GPBP1L1: variants seen among roughly 807,000 people sequenced by gnomAD.
The protein encoded by GPBP1L1 is vasculin-like protein 1.
In GPBP1L1, 23 loss-of-function variants were observed where a neutral mutation model predicts 52.5. That is an observed-to-expected ratio of 0.44 (90% CI 0.32 to 0.62). The LOEUF is 0.62. GPBP1L1 is among the 20% of genes least tolerant of loss of function. GPBP1L1 has a pLI of 0.06. For synonymous variants in GPBP1L1, 243 were observed against 203.1 expected, an observed-to-expected ratio of 1.20 and a Z score of -1.67; for missense variants, 596 against 579.3, an observed-to-expected ratio of 1.03 and a Z score of -0.30.
chr1:45,662,196 C>T (rs140654345), intron 2 of GPBP1L1, among the ~76,000 whole-genome samples: 13 of 152,284 alleles, frequency 8.5e-5, no homozygotes, highest in Non-Finnish European at 1.5e-4. Context: ...GTGACTTGAT[C>T]GTAGCTCGCT....
rs748882235 is a variant in GPBP1L1, at chr1:45,629,626, G to A, written c.1222C>T (p.Leu408Phe). The stretch of plus-strand genomic sequence containing the variant: ...TTGAGCTCATCCTCTGTGAGGGGAA[G>A]GCAATTCTCATCATTTTCAGGATAT... ...QEYPENDENCLPLTEDELKEF... is the reference protein window; with the variant it reads ...QEYPENDENCFPLTEDELKEF... The change falls in exon 12 of 13, where the codon CTT (leucine) becomes TTT (phenylalanine). Residue 408 changes from leucine to phenylalanine, a missense_variant. Coordinates refer to ENST00000355105, the MANE Select transcript of GPBP1L1 (RefSeq NM_021639.5). 1 of 1,613,608 alleles carries A rather than the reference G, an allele frequency of 6.2e-7. No homozygotes were observed. Among genetic ancestry groups the A allele is most frequent in the South Asian group, 1.1e-5 (1 of 91,070 alleles).
chr1:45,633,522 G>A lies in GPBP1L1; in HGVS notation c.1011C>T (p.Phe337=), dbSNP rs1380320102. The change falls in exon 10 of 13, where the codon TTC becomes TTT. Residue 337 remains phenylalanine (F), a synonymous_variant. Coordinates refer to ENST00000355105, the MANE Select transcript of GPBP1L1 (RefSeq NM_021639.5). ...GCTTGTCACAGTCTCTATTCTCTGA[G>A]AAGTCTCCATTCCGGTCATCCTTCA... The part of the protein sequence containing the change: ...KTLKDDRNGD[F]SENRDCDKLE... 13 of 1,613,900 alleles carry A rather than the reference G, an allele frequency of 8.1e-6. No homozygotes were observed. The Admixed American group carries it at 2.2e-4, about 27-fold the overall frequency.
chr1:45,649,188 T>C (rs1644790194), intron 6 of GPBP1L1, among the ~76,000 whole-genome samples: 1 of 152,208 alleles, frequency 6.6e-6, no homozygotes, highest in South Asian at 2.1e-4. Flanking sequence ...CCCCATTCTT[T>C]CTCCTGAACC....
intron 3 of GPBP1L1, among the ~76,000 whole-genome samples, chr1:45,659,839 G>A (rs1293984269): frequency 6.6e-6 from 1 of 152,120 alleles, no homozygotes; most frequent in African/African-American, 2.4e-5. Context: ...TACTCTGGAG[G>A]CTAAGGTGGG....
At chr1:45,647,973 C>T (rs1644772942) in intron 6 of GPBP1L1, among the ~76,000 whole-genome samples, 1 of 152,026 alleles carries the variant, frequency 6.6e-6, no homozygotes, top group Non-Finnish European at 1.5e-5. Flanking sequence ...CAGGGTCTCA[C>T]TCTGTTACCC....
Position 45,654,523 on chromosome 1 carries a change from A to T in GPBP1L1, c.477+20T>A. 6.3e-7 allele frequency: 1 copy of T among 1,588,610 alleles called. No homozygotes were observed. The highest frequency in any genetic ancestry group is 8.6e-7 in the Non-Finnish European group (1 of 1,163,126). The stretch of plus-strand genomic sequence containing the variant: ...ATTATTTGTTGGCTTCTAACCACAC[A>T]TCTAAAGATTCATACTTACAAAGTC... On this transcript the variant is annotated intron_variant, in intron 6 of 12. Transcript: ENST00000355105.
At chr1:45,646,091 T>G (rs979774309) in intron 6 of GPBP1L1, 2 of 456,824 alleles carry the variant, frequency 4.4e-6, no homozygotes, top group Non-Finnish European at 8.5e-6. Context: ...CAGCTAGAAG[T>G]TGGACAATGA....
At chr1:45,645,975 G>C (rs1644740184) in intron 6 of GPBP1L1, 1 of 500,990 alleles carries the variant, frequency 2.0e-6, no homozygotes, top group Admixed American at 2.1e-5. Context: ...GCAAATCAAA[G>C]CTGGGGCTCT....
At position 45,665,278 on chromosome 1, in the gene GPBP1L1, C is replaced by T. The variant is rs149507992; in HGVS notation, c.-1097-4053G>A. The stretch of plus-strand genomic sequence containing the variant: ...TGAGGGAGACTCTCACAAAGAAAAA[C>T]AAAACATGAAAGACTAGACTGGAGG... On this transcript the variant is annotated intron_variant, in intron 2 of 12. Transcript: ENST00000355105. Among the ~76,000 whole-genome samples the T allele has an allele frequency of 5.0e-3, 766 of 151,964 alleles. 2 individuals carry two copies. Among genetic ancestry groups the T allele is most frequent in the Admixed American group, 8.7e-3 (133 of 15,268 alleles).
chr1:45,636,717 C>T (rs1486165762), intron 8 of GPBP1L1, among the ~76,000 whole-genome samples: 1 of 152,236 alleles, frequency 6.6e-6, no homozygotes, highest in African/African-American at 2.4e-5. Context: ...CTCCAATTTA[C>T]TGTCAAGAAG....
chr1:45,657,303 G>A (rs750615729), intron 4 of GPBP1L1, among the ~76,000 whole-genome samples: 5 of 152,130 alleles, frequency 3.3e-5, no homozygotes, highest in South Asian at 4.1e-4. Context: ...GGAGACTGAG[G>A]CAGGTACATC....
intron 12 of GPBP1L1, among the ~76,000 whole-genome samples, chr1:45,628,846 T>C (rs1644492132): frequency 6.6e-6 from 1 of 152,116 alleles, no homozygotes; most frequent in Non-Finnish European, 1.5e-5. Flanking sequence ...GTATTTTTAG[T>C]AGAGATGGGG....
intron 6 of GPBP1L1, chr1:45,646,233 T>G: frequency 3.9e-6 from 1 of 253,444 alleles, no homozygotes; most frequent in East Asian, 1.3e-4. Flanking sequence ...AAGAGCAATA[T>G]TCCAAGTACT....
At position 45,633,537 on chromosome 1, in the gene GPBP1L1, G is replaced by A. The variant is rs1253823612; in HGVS notation, c.996C>T (p.Asp332=). Residue 332 remains aspartate, a synonymous_variant, in exon 10 of 13, where the codon GAC becomes GAT. Transcript: ENST00000355105. Reference sequence around the variant, plus strand: ...TATTCTCTGAGAAGTCTCCATTCCGGTCATCCTTCAGAGTTTTCAGGAACT... The same window carrying A: ...TATTCTCTGAGAAGTCTCCATTCCGATCATCCTTCAGAGTTTTCAGGAACT... ...KSEFLKTLKD[D]RNGDFSENRD... is the part of the protein sequence containing the mutation. 6 of 1,613,794 alleles carry A rather than the reference G, an allele frequency of 3.7e-6. No homozygotes were observed. The highest frequency in any genetic ancestry group is 1.1e-5 in the South Asian group (1 of 91,046).
intron 2 of GPBP1L1, among the ~76,000 whole-genome samples, chr1:45,682,967 A>C (rs1645228914): frequency 1.3e-5 from 2 of 152,168 alleles, no homozygotes; most frequent in Admixed American, 1.3e-4. Context: ...ATTCCAGACA[A>C]CAGCAACTAC....
At chr1:45,645,640 C>T (rs1644734189) in intron 6 of GPBP1L1, among the ~76,000 whole-genome samples, 1 of 152,160 alleles carries the variant, frequency 6.6e-6, no homozygotes, top group African/African-American at 2.4e-5. Context: ...TTCTTCTTAG[C>T]TCTACAATTA....
At chr1:45,634,947 C>G (rs966123880) in intron 8 of GPBP1L1, 1 of 152,150 alleles carries the variant, frequency 6.6e-6, no homozygotes, top group African/African-American at 2.4e-5. Context: ...GAAAAACTTC[C>G]AACTTATTTT....
rs1644567577 is a variant in GPBP1L1 at position 45,634,256 on chromosome 1, A to C, written c.745-20T>G. ...ATTAGGCTACACAGGGTGAAAGAAC[A>C]AATCAGTCAGAACAAGCACACAAAC... On this transcript the variant is annotated intron_variant, in intron 8 of 12. Transcript: ENST00000355105. 1 of 1,592,998 alleles carries C rather than the reference A, an allele frequency of 6.3e-7. No individual in the cohort carries two copies. Among genetic ancestry groups the C allele is most frequent in the Non-Finnish European group, 8.6e-7 (1 of 1,167,268 alleles).
At chr1:45,657,483 C>A (rs746542534) in intron 4 of GPBP1L1, among the ~76,000 whole-genome samples, 3 of 152,124 alleles carry the variant, frequency 2.0e-5, no homozygotes, top group Non-Finnish European at 2.9e-5. Flanking sequence ...CTGCAGTAAG[C>A]CATGATCGCA....
Sources: gnomAD v4.1 joint callset for allele counts (sites outside exome capture counted in the v4.1 genomes callset) on GRCh38, gnomAD v4.1.1 for gene constraint, MANE v1.5 for transcripts, NCBI Gene and HGNC (gene_info 2026-07-23, HGNC 2026-07-21) for gene names.